TRPC5: variants seen among roughly 807,000 people sequenced by gnomAD.
TRPC5 encodes transient receptor potential cation channel subfamily C member 5.
TRPC5 carries 9 observed loss-of-function variants against 56.5 expected under a neutral mutation model. The ratio of observed to expected loss-of-function variants is 0.16; its 90% CI spans 0.10 to 0.28. TRPC5 has a LOEUF of 0.28. Ranked by LOEUF, TRPC5 falls within the 10% of genes least tolerant of loss-of-function variation. The pLI is 1.00. For synonymous variants in TRPC5, 282 were observed against 278.5 expected (o/e 1.01, Z -0.13); for missense variants, 469 against 748.9 (o/e 0.63, Z 4.36).
At position 111,804,581 on chromosome X, in the gene TRPC5, A is replaced by T. The variant is rs780122067; in HGVS notation, c.1897-22443T>A. 4.0e-4 allele frequency among the ~76,000 whole-genome samples: 45 copies of T among 111,140 alleles called. 1 individual carries two copies. The highest frequency in any genetic ancestry group is 9.4e-5 in the Non-Finnish European group (5 of 53,004). On this transcript the variant is annotated intron_variant, in intron 7 of 10. Transcript: ENST00000262839. ...GAGGTCCTTCACGTCCCTTGTACGTAGGATTCCTAGGTATTTTATTCTTTT... is the reference window on the plus strand; with the variant it reads ...GAGGTCCTTCACGTCCCTTGTACGTTGGATTCCTAGGTATTTTATTCTTTT...
intron 1 of TRPC5, among the ~76,000 whole-genome samples, chrX:112,000,401 G>A (rs73266331): frequency 0.014 from 1,583 of 112,095 alleles, 14 homozygotes; most frequent in Middle Eastern, 0.028. Context: ...AAATTTAAGT[G>A]TTAGAAACAA....
chrX:111,947,068 T>G (rs1331011201), intron 2 of TRPC5, among the ~76,000 whole-genome samples: 2 of 111,755 alleles, frequency 1.8e-5, no homozygotes, highest in African/African-American at 3.3e-5. Flanking sequence ...CAGGAACATA[T>G]TCACACCTCT....
intron 1 of TRPC5, among the ~76,000 whole-genome samples, chrX:112,051,598 C>CTTCAAAAAACTTCTGGCAAAAATAG (rs1930214447): frequency 8.9e-6 from 1 of 112,260 alleles, no homozygotes; most frequent in African/African-American, 3.2e-5. Flanking sequence ...TTGAAGCCAG[C>CTTCAAAAAACTTCTGGCAAAAATAG]TTTGCCAGAA....
chrX:112,008,599 C>CAAAAAAAAAAAAA (rs771663324), intron 1 of TRPC5, among the ~76,000 whole-genome samples: 6 of 74,037 alleles, frequency 8.1e-5, no homozygotes, highest in African/African-American at 2.2e-4. Flanking sequence ...GACTCTGTCT[C>CAAAAAAAAAAAAA]AAAAAAAAAA....
At chrX:111,828,718 C>T (rs2148574504) in intron 7 of TRPC5, among the ~76,000 whole-genome samples, 1 of 111,296 alleles carries the variant, frequency 9.0e-6, no homozygotes, top group East Asian at 2.8e-4. Flanking sequence ...TTCCTAAAGA[C>T]TTGGAGGGCT....
chrX:111,933,731 C>T (rs1157532033), intron 2 of TRPC5, among the ~76,000 whole-genome samples: 1 of 111,574 alleles, frequency 9.0e-6, no homozygotes, highest in East Asian at 2.8e-4. Context: ...GAGAGCCAAG[C>T]ATCACTGTTT....
intron 1 of TRPC5, among the ~76,000 whole-genome samples, chrX:111,984,461 T>G (rs1174561355): frequency 4.5e-5 from 5 of 111,888 alleles, no homozygotes; most frequent in African/African-American, 1.6e-4. Flanking sequence ...CTTCTTTCAT[T>G]GTAGGAAAGG....
At chrX:112,065,310 C>CT (rs1319547785) in intron 1 of TRPC5, among the ~76,000 whole-genome samples, 4 of 111,471 alleles carry the variant, frequency 3.6e-5, no homozygotes, top group African/African-American at 1.3e-4. Flanking sequence ...TTATCTTAAC[C>CT]TACCTCACAT....
At chrX:111,796,161 CT>C (rs903489617) in intron 7 of TRPC5, among the ~76,000 whole-genome samples, 7 of 111,849 alleles carry the variant, frequency 6.3e-5, no homozygotes, top group African/African-American at 1.3e-4. Context: ...CAATTTGATT[CT>C]TTTTTTATCA....
chrX:111,794,386 C>T (rs1262919525), intron 7 of TRPC5, among the ~76,000 whole-genome samples: 1 of 111,146 alleles, frequency 9.0e-6, no homozygotes, highest in East Asian at 2.8e-4. Flanking sequence ...AATTCCATTC[C>T]TTCCACTTTA....
At chrX:111,978,905 A>T (rs1928003309) in intron 1 of TRPC5, among the ~76,000 whole-genome samples, 1 of 111,445 alleles carries the variant, frequency 9.0e-6, no homozygotes, top group Admixed American at 9.6e-5. Flanking sequence ...AAAGTTGTTT[A>T]AAAAAGACCC....
Position 111,961,291 on chromosome X carries a change from A to G in TRPC5, c.-21-8850T>C, listed in dbSNP as rs559017068. ...AATAAAACTATATGGCTTAAAATAA[A>G]TCTTTCCAGTCTTCTTCCCCTATGC... On this transcript the variant is annotated intron_variant, in intron 1 of 10. Transcript: ENST00000262839. 4.8e-4 allele frequency among the ~76,000 whole-genome samples: 54 copies of G among 112,501 alleles called. No individual in the cohort carries two copies. In the South Asian group the frequency reaches 0.018, roughly 37 times the overall value.
At chrX:112,045,175 A>G (rs73266345) in intron 1 of TRPC5, among the ~76,000 whole-genome samples, 14,184 of 111,300 alleles carry the variant, frequency 0.13, 777 homozygotes, top group African/African-American at 0.18. Context: ...AATGAATTTA[A>G]AAACAGGGAG....
At chrX:112,052,337 T>C (rs1930235788) in intron 1 of TRPC5, among the ~76,000 whole-genome samples, 1 of 111,412 alleles carries the variant, frequency 9.0e-6, no homozygotes, top group African/African-American at 3.3e-5. Context: ...TGATGTGGTA[T>C]CTCATTATGG....
At chrX:111,980,888 A>ATATATATATATATTATATATATG (rs1928060399) in intron 1 of TRPC5, among the ~76,000 whole-genome samples, 3 of 99,287 alleles carry the variant, frequency 3.0e-5, no homozygotes, top group South Asian at 4.2e-4. Flanking sequence ...ACTGTGACTA[A>ATATATATATATATTATATATATG]TATATATATA....
At chrX:111,800,380 C>T (rs761473266) in intron 7 of TRPC5, among the ~76,000 whole-genome samples, 1 of 111,678 alleles carries the variant, frequency 9.0e-6, no homozygotes, top group South Asian at 3.8e-4. Context: ...GCTTGTAATC[C>T]CAGCACTTTG....
chrX:111,912,440 A>T lies in TRPC5; in HGVS notation c.751T>A (p.Phe251Ile). 1 of 1,211,584 alleles carries T rather than the reference A, an allele frequency of 8.3e-7. No individual in the cohort carries two copies. Among genetic ancestry groups the T allele is most frequent in the Non-Finnish European group, 1.1e-6 (1 of 895,518 alleles). Reference sequence around the variant, plus strand: ...GCTTGGTCCAGCAGGTCTTTGGCAAAGAGCTTGCACTGCTGAGAGAGCTCC... The same window carrying T: ...GCTTGGTCCAGCAGGTCTTTGGCAATGAGCTTGCACTGCTGAGAGAGCTCC... The part of the protein sequence containing the change: ...YEELSQQCKL[F>I]AKDLLDQARS... Residue 251 changes from phenylalanine (F) to isoleucine (I), a missense_variant, in exon 3 of 11, where the codon TTT becomes ATT. Physicochemically the swap from Phe to Ile is conservative, Grantham distance 21. Transcript: ENST00000262839.
At chrX:111,900,895 T>C (rs901868960) in intron 3 of TRPC5, among the ~76,000 whole-genome samples, 2 of 111,654 alleles carry the variant, frequency 1.8e-5, no homozygotes, top group Non-Finnish European at 3.8e-5. Flanking sequence ...ATCTAGATTT[T>C]CAAACAAATA....
intron 1 of TRPC5, among the ~76,000 whole-genome samples, chrX:112,036,327 C>G (rs945478318): frequency 8.9e-5 from 10 of 112,110 alleles, no homozygotes; most frequent in African/African-American, 3.2e-4. Flanking sequence ...GAAATGTCCA[C>G]CACTTTCACA....
Sources: allele counts gnomAD v4.1 joint callset (sites outside exome capture counted in the v4.1 genomes callset), GRCh38; gene constraint gnomAD v4.1.1; transcripts MANE v1.5; gene names NCBI Gene and HGNC (gene_info 2026-07-23, HGNC 2026-07-21).